ORC2: variants seen among roughly 807,000 people sequenced by gnomAD.
ORC2 encodes the protein origin recognition complex subunit 2.
ORC2 carries 37 observed loss-of-function variants against 77.7 expected under a neutral mutation model. The ratio of observed to expected loss-of-function variants is 0.48; its 90% CI spans 0.37 to 0.63. ORC2 has a LOEUF of 0.63. ORC2 is among the 20% of genes least tolerant of loss of function. ORC2 has a pLI of 0.00. For synonymous variants in ORC2, 201 were observed against 229.5 expected, an observed-to-expected ratio of 0.88 and a Z score of 1.12; for missense variants, 557 against 661.9, an observed-to-expected ratio of 0.84 and a Z score of 1.74.
intron 17 of ORC2, among the ~76,000 whole-genome samples, chr2:200,912,907 C>A (rs1178307219): frequency 6.6e-6 from 1 of 152,210 alleles, no homozygotes; most frequent in Non-Finnish European, 1.5e-5. Flanking sequence ...AGACTTTAAG[C>A]TCCATAAGAA....
rs905515057 is a variant in ORC2 at position 200,926,849 on chromosome 2, T to C, written c.969A>G (p.Leu323=). The C allele has an allele frequency of 1.5e-5, 24 of 1,613,672 alleles. No individual in the cohort carries two copies. Among genetic ancestry groups the C allele is most frequent in the Non-Finnish European group, 1.9e-5 (23 of 1,179,710 alleles). The change falls in exon 12 of 18, where the codon CTA becomes CTG. Residue 323 remains leucine (L), a synonymous_variant. Transcript: ENST00000234296. The part of the protein sequence containing the change: ...LYGLGSKRDL[L]ERFRTTMLQD... ...GCAGCATAGTGGTTCGAAACCTTTC[T>C]AGTAAATCTCTCTTAGAACCCAAAC...
intron 4 of ORC2, among the ~76,000 whole-genome samples, chr2:200,956,012 G>C (rs370851226): frequency 6.6e-6 from 1 of 152,272 alleles, no homozygotes; most frequent in East Asian, 1.9e-4. Context: ...ATCAAGGTAA[G>C]AATAAAGTAA....
At chr2:200,919,086 T>A (rs944136162) in intron 15 of ORC2, among the ~76,000 whole-genome samples, 1 of 152,208 alleles carries the variant, frequency 6.6e-6, no homozygotes, top group African/African-American at 2.4e-5. Flanking sequence ...TGCCTTAGCT[T>A]CGCATAGTGT....
intron 5 of ORC2, among the ~76,000 whole-genome samples, chr2:200,948,146 C>CT (rs1350964680): frequency 6.6e-6 from 1 of 151,994 alleles, no homozygotes; most frequent in East Asian, 1.9e-4. Flanking sequence ...ATCTTCTGAC[C>CT]TTGTGATCCA....
At chr2:200,951,044 T>C (rs2041345724) in intron 4 of ORC2, among the ~76,000 whole-genome samples, 1 of 152,224 alleles carries the variant, frequency 6.6e-6, no homozygotes, top group African/African-American at 2.4e-5. Context: ...TCTTATAAAA[T>C]AGACTTTACA....
chr2:200,962,350 A>T (rs2041595386), intron 1 of ORC2, among the ~76,000 whole-genome samples: 1 of 152,246 alleles, frequency 6.6e-6, no homozygotes, highest in Non-Finnish European at 1.5e-5. Context: ...AGTGGTAGCA[A>T]CACACTCTCC....
intron 4 of ORC2, among the ~76,000 whole-genome samples, chr2:200,954,196 C>A (rs2041421096): frequency 6.6e-6 from 1 of 152,160 alleles, no homozygotes; most frequent in East Asian, 1.9e-4. Flanking sequence ...CCACGCCCAG[C>A]TAATTTTTTG....
chr2:200,950,884 T>C (rs1408068390), intron 4 of ORC2, among the ~76,000 whole-genome samples: 1 of 152,236 alleles, frequency 6.6e-6, no homozygotes, highest in African/African-American at 2.4e-5. Flanking sequence ...GGGTATAAAC[T>C]GAAGAGAGGC....
At chr2:200,920,937 A>G (rs1575154695) in intron 14 of ORC2, 56 bp downstream of exon 14, 1 of 1,262,418 alleles carries the variant, frequency 7.9e-7, no homozygotes, top group East Asian at 2.7e-5. Flanking sequence ...ATATTAATAG[A>G]ATTTGTCTTG....
intron 15 of ORC2, among the ~76,000 whole-genome samples, chr2:200,914,848 T>C (rs1409411563): frequency 1.3e-5 from 2 of 152,086 alleles, no homozygotes; most frequent in Non-Finnish European, 2.9e-5. Flanking sequence ...ATCAATCCCA[T>C]ATCCATTAAC....
At chr2:200,953,262 A>G (rs1293331902) in intron 4 of ORC2, among the ~76,000 whole-genome samples, 1 of 150,142 alleles carries the variant, frequency 6.7e-6, no homozygotes, top group African/African-American at 2.4e-5. Context: ...AGTATAATAT[A>G]GAAAACCACA....
chr2:200,950,066 C>A (rs1433080067), intron 4 of ORC2, among the ~76,000 whole-genome samples: 1 of 152,170 alleles, frequency 6.6e-6, no homozygotes. Context: ...GGCGCAGTGG[C>A]TCACACCTGT....
chr2:200,926,161 A>C (rs2040835340), intron 12 of ORC2, among the ~76,000 whole-genome samples: 1 of 152,204 alleles, frequency 6.6e-6, no homozygotes, highest in Non-Finnish European at 1.5e-5. Flanking sequence ...TACAGGTAAT[A>C]GGTAATATAA....
intron 13 of ORC2, among the ~76,000 whole-genome samples, chr2:200,922,501 T>C (rs1028845287): frequency 1.1e-4 from 16 of 151,628 alleles, no homozygotes; most frequent in Middle Eastern, 3.4e-3. Flanking sequence ...TTAATGTATA[T>C]TTAAAAGCCA....
intron 4 of ORC2, among the ~76,000 whole-genome samples, chr2:200,956,445 T>G (rs895133604): frequency 6.6e-6 from 1 of 152,140 alleles, no homozygotes; most frequent in Non-Finnish European, 1.5e-5. Context: ...TCTCCCAATA[T>G]GCTGAGATTA....
intron 11 of ORC2, among the ~76,000 whole-genome samples, chr2:200,929,962 T>A (rs1241748094): frequency 6.6e-6 from 1 of 152,098 alleles, no homozygotes; most frequent in Non-Finnish European, 1.5e-5. Flanking sequence ...CACCCAAGTA[T>A]AAACTTCTAA....
At chr2:200,957,376 G>A (rs2041488070) in intron 4 of ORC2, 25 bp downstream of exon 4, 1 of 1,526,968 alleles carries the variant, frequency 6.5e-7, no homozygotes. Flanking sequence ...GCAGAAACGA[G>A]TGTATATTTC....
At chr2:200,932,090 G>C (rs930020830) in intron 10 of ORC2, among the ~76,000 whole-genome samples, 1 of 151,712 alleles carries the variant, frequency 6.6e-6, no homozygotes, top group Non-Finnish European at 1.5e-5. Context: ...AATATTCCAG[G>C]TACTCTGGCT....
intron 4 of ORC2, among the ~76,000 whole-genome samples, chr2:200,953,417 T>G (rs543228670): frequency 7.2e-6 from 1 of 138,942 alleles, no homozygotes; most frequent in South Asian, 2.1e-4. Context: ...TACTGTTTTT[T>G]TTTTTTTTTA....
Sources: gnomAD v4.1 joint callset for allele counts (sites outside exome capture counted in the v4.1 genomes callset) on GRCh38, gnomAD v4.1.1 for gene constraint, MANE v1.5 for transcripts, NCBI Gene and HGNC (gene_info 2026-07-23, HGNC 2026-07-21) for gene names.